VIPR1: variants seen among roughly 807,000 people sequenced by gnomAD.
VIPR1 encodes the protein vasoactive intestinal polypeptide receptor 1.
VIPR1 carries 59 observed loss-of-function variants against 58.8 expected under a neutral mutation model. The observed-to-expected ratio is 1.00, with a 90% CI of 0.81 to 1.25. VIPR1 has a LOEUF of 1.25. VIPR1 is among the 50% of genes most tolerant of loss of function. The probability of loss-of-function intolerance (pLI) is 0.00; values close to 1 mark genes in which losing one functional copy is unlikely to be tolerated. For synonymous variants in VIPR1, 251 were observed against 242.1 expected (o/e 1.04, Z -0.34); for missense variants, 626 against 602.7 (o/e 1.04, Z -0.40).
chr3:42,502,646 C>A lies in VIPR1; in HGVS notation c.-90C>A. ...CTGGGGCCACAGCGCCAGCGCCACT[C>A]TGCCAGGCTCCCGGCCATCGCCCGC... is the stretch of plus-strand genomic sequence containing the variant. On this transcript the variant is annotated 5_prime_UTR_variant, in exon 1 of 13. The change creates a new upstream start codon in the 5' untranslated region. Coordinates refer to ENST00000325123, the MANE Select transcript of VIPR1 (RefSeq NM_004624.4). 1.9e-6 allele frequency: 2 copies of A among 1,043,848 alleles called. No individual in the cohort carries two copies. The highest frequency in any genetic ancestry group is 2.5e-6 in the Non-Finnish European group (2 of 815,408). The allele number at this position is 1,043,848 out of a possible 1,614,324, so 64.7% of individuals were successfully genotyped here.
At chr3:42,496,207 A>G (rs771122902) in intron 1 of VIPR1, among the ~76,000 whole-genome samples, 2 of 152,152 alleles carry the variant, frequency 1.3e-5, no homozygotes, top group Non-Finnish European at 2.9e-5. Context: ...ACTGTACTCC[A>G]GCCTGGGGCA....
chr3:42,494,285 GT>G (rs200608142), intron 1 of VIPR1, among the ~76,000 whole-genome samples: 13 of 151,554 alleles, frequency 8.6e-5, no homozygotes, highest in South Asian at 2.1e-4. Flanking sequence ...TGGAAATGCA[GT>G]TTTTTTTTAC....
At chr3:42,506,095 T>C (rs911297268) in intron 1 of VIPR1, among the ~76,000 whole-genome samples, 1 of 152,222 alleles carries the variant, frequency 6.6e-6, no homozygotes. Flanking sequence ...CTGGCCCCCA[T>C]CTTCCCACAG....
chr3:42,493,783 G>C (rs1220970900), intron 1 of VIPR1, among the ~76,000 whole-genome samples: 1 of 152,216 alleles, frequency 6.6e-6, no homozygotes, highest in East Asian at 1.9e-4. Context: ...TTCTCTGGGC[G>C]TTTCTTCAGG....
chr3:42,497,327 C>T (rs1295514628), intron 1 of VIPR1, among the ~76,000 whole-genome samples: 1 of 152,162 alleles, frequency 6.6e-6, no homozygotes, highest in Non-Finnish European at 1.5e-5. Context: ...AACTCTACTT[C>T]CTCCCTGCAC....
rs927852099 is a variant in VIPR1 at position 42,529,140 on chromosome 3, C to T, written c.636+1017C>T. The stretch of plus-strand genomic sequence containing the variant: ...GCTTTTCTAAGACTAGGAAGAAGCA[C>T]AGATAACTGTCCTGGTAAAGAGCTG... On this transcript the variant is annotated intron_variant, in intron 6 of 12. Coordinates refer to ENST00000325123, the MANE Select transcript of VIPR1 (RefSeq NM_004624.4). 2.0e-5 allele frequency among the ~76,000 whole-genome samples: 3 copies of T among 152,232 alleles called. No homozygotes were observed. The East Asian group carries it at 5.8e-4, about 29-fold the overall frequency.
chr3:42,502,693 C>T lies in VIPR1; in HGVS notation c.-43C>T, dbSNP rs933426441. The T allele has an allele frequency of 7.9e-7, 1 of 1,271,696 alleles. No individual in the cohort carries two copies. Among genetic ancestry groups the T allele is most frequent in the East Asian group, 3.2e-5 (1 of 30,802 alleles). 78.8% of individuals were successfully genotyped at this position (1,271,696 alleles called of 1,614,324 possible). A position where few individuals can be genotyped will look rare whatever the true frequency, so the allele number is the denominator to read the frequency against. On this transcript the variant is annotated 5_prime_UTR_variant, in exon 1 of 13. Transcript: ENST00000325123. ...CCGCCTGGTGCGCCGCCCGCCAGCTCTTTGCCCGCGCGGGGCCGCCCGCCG... is the reference window on the plus strand; with the variant it reads ...CCGCCTGGTGCGCCGCCCGCCAGCTTTTTGCCCGCGCGGGGCCGCCCGCCG...
intron 9 of VIPR1, 165 bp downstream of exon 9, chr3:42,532,034 A>G: frequency 1.1e-6 from 1 of 939,088 alleles, no homozygotes; most frequent in Non-Finnish European, 1.6e-6. Context: ...TTCTTCCTTG[A>G]GCGTAAGCGG....
At chr3:42,497,135 G>C (rs79635565) in intron 1 of VIPR1, among the ~76,000 whole-genome samples, 6,460 of 152,246 alleles carry the variant, frequency 0.042, 173 homozygotes, top group South Asian at 0.11. Flanking sequence ...AGGTTAGCGT[G>C]AGAACTTTGA....
At chr3:42,491,651 T>C (rs1042932514) in intron 1 of VIPR1, among the ~76,000 whole-genome samples, 3 of 152,198 alleles carry the variant, frequency 2.0e-5, no homozygotes, top group Non-Finnish European at 2.9e-5. Context: ...CTCAGCTCAC[T>C]GAAACCTCTA....
At chr3:42,495,175 G>A (rs1699733876) in intron 1 of VIPR1, among the ~76,000 whole-genome samples, 1 of 152,106 alleles carries the variant, frequency 6.6e-6, no homozygotes, top group Non-Finnish European at 1.5e-5. Flanking sequence ...AGGCTGGAGT[G>A]CAGTGGCATG....
chr3:42,534,768 G>A lies in VIPR1; in HGVS notation c.1011-207G>A, dbSNP rs539109410. ...TCTCTCATGCTTCCCTCCAGGCCAGGAGGGCTGGGGGCAGAAGGGCAGAGG... is the reference window on the plus strand; with the variant it reads ...TCTCTCATGCTTCCCTCCAGGCCAGAAGGGCTGGGGGCAGAAGGGCAGAGG... On this transcript the variant is annotated intron_variant, in intron 10 of 12. Transcript: ENST00000325123. 14 of 561,380 alleles carry A rather than the reference G, an allele frequency of 2.5e-5. No individual in the cohort carries two copies. In the South Asian group the frequency reaches 3.1e-4, roughly 12 times the overall value. The allele number at this position is 561,380 out of a possible 1,614,324, so 34.8% of individuals were successfully genotyped here.
chr3:42,512,754 G>A (rs1700417543), intron 1 of VIPR1: 1 of 985,358 alleles, frequency 1.0e-6, no homozygotes, highest in South Asian at 4.7e-5. Context: ...CTCCCAGGCA[G>A]AGATGAGGAA....
chr3:42,511,599 T>A (rs1436492234), intron 1 of VIPR1: 1 of 152,214 alleles, frequency 6.6e-6, no homozygotes, highest in Non-Finnish European at 1.5e-5. Context: ...CCATCCTGTT[T>A]TGACGTTACA....
intron 3 of VIPR1, among the ~76,000 whole-genome samples, chr3:42,519,688 A>G (rs764189394): frequency 7.9e-5 from 12 of 152,222 alleles, no homozygotes; most frequent in Non-Finnish European, 1.2e-4. Context: ...CCATGAAGCC[A>G]CCACATGACT....
chr3:42,531,813 A>T lies in VIPR1; in HGVS notation c.862A>T (p.Thr288Ser). ...CCACGGTCTGCTCAGGTGCTGGGAC[A>T]CCATCAACTCCTCACTGTGGTGGAT... ...IHFEDYGCWD[T>S]INSSLWWIIK... The change falls in exon 9 of 13, where the codon ACC becomes TCC. Residue 288 changes from threonine (T) to serine (S), a missense_variant. Transcript: ENST00000325123. The T allele has an allele frequency of 6.2e-7, 1 of 1,614,050 alleles. No homozygotes were observed. The highest frequency in any genetic ancestry group is 2.2e-5 in the East Asian group (1 of 44,880).
intron 7 of VIPR1, 91 bp downstream of exon 7, chr3:42,531,023 T>C: frequency 5.3e-6 from 8 of 1,504,570 alleles, no homozygotes; most frequent in Non-Finnish European, 6.3e-6. Context: ...CAGCTTGCAG[T>C]CCTACGTCTT....
chr3:42,489,762 A>G (rs1287310596), intron 1 of VIPR1: 1 of 152,314 alleles, frequency 6.6e-6, no homozygotes, highest in Admixed American at 6.5e-5. Flanking sequence ...ACTCCTCCAG[A>G]CCAGGAGTAA....
intron 1 of VIPR1, among the ~76,000 whole-genome samples, chr3:42,490,997 C>T (rs969213952): frequency 4.6e-5 from 7 of 152,162 alleles, no homozygotes; most frequent in Non-Finnish European, 8.8e-5. Context: ...CACAGGATCT[C>T]GCTGATGTTT....
Sources: gnomAD v4.1 joint callset for allele counts (sites outside exome capture counted in the v4.1 genomes callset) on GRCh38, gnomAD v4.1.1 for gene constraint, MANE v1.5 for transcripts, NCBI Gene and HGNC (gene_info 2026-07-23, HGNC 2026-07-21) for gene names.